UBE2V2: variants seen among roughly 807,000 people sequenced by gnomAD.
UBE2V2 encodes ubiquitin-conjugating enzyme E2 variant 2.
UBE2V2 carries 9 observed loss-of-function variants against 17.2 expected under a neutral mutation model. The ratio of observed to expected loss-of-function variants is 0.52; its 90% confidence interval spans 0.32 to 0.91. The LOEUF (loss-of-function observed/expected upper bound fraction) is 0.91. Ranked by LOEUF, UBE2V2 falls within the 40% of genes least tolerant of loss-of-function variation. The pLI is 0.04. For missense variants in UBE2V2, 133 were observed against 182.6 expected, an observed-to-expected ratio of 0.73 and a Z score of 1.56; for synonymous variants, 61 against 57.5, an observed-to-expected ratio of 1.06 and a Z score of -0.28.
At chr8:48,052,956 G>A (rs2091548642) in intron 3 of UBE2V2, among the ~76,000 whole-genome samples, 1 of 152,134 alleles carries the variant, frequency 6.6e-6, no homozygotes, top group African/African-American at 2.4e-5. Flanking sequence ...CACTCAGGCT[G>A]GAGTGCAGTG....
chr8:48,021,038 G>T (rs2091301260), intron 1 of UBE2V2, among the ~76,000 whole-genome samples: 1 of 150,390 alleles, frequency 6.6e-6, no homozygotes, highest in Admixed American at 6.6e-5. Flanking sequence ...GATCCACTCT[G>T]CTGGCTTGTT....
chr8:48,015,635 A>G (rs1401388644), intron 1 of UBE2V2, among the ~76,000 whole-genome samples: 1 of 151,960 alleles, frequency 6.6e-6, no homozygotes. Context: ...CATCTTCCCA[A>G]TCCCCACCCC....
At chr8:47,998,317 G>A in the UBE2V2 span, among the ~76,000 whole-genome samples, 1 of 151,948 alleles carries the variant, frequency 6.6e-6, no homozygotes, top group South Asian at 2.1e-4. Flanking sequence ...AAGTAGGGGC[G>A]CACGTAGAAG....
chr8:48,019,156 G>C (rs1353028805), intron 1 of UBE2V2, among the ~76,000 whole-genome samples: 6 of 152,024 alleles, frequency 3.9e-5, no homozygotes, highest in African/African-American at 1.4e-4. Context: ...CACGAGGTTG[G>C]GAGTTCAAGA....
intron 1 of UBE2V2, among the ~76,000 whole-genome samples, chr8:48,010,694 G>GTTT (rs1257227876): frequency 1.3e-4 from 17 of 128,902 alleles, no homozygotes; most frequent in African/African-American, 4.9e-4. Flanking sequence ...GCCTGGGTTT[G>GTTT]TTTGTTTTTT....
rs1033123683 is a variant in UBE2V2, at chr8:48,063,469, A to C, written c.*2641A>C. On this transcript the variant is annotated 3_prime_UTR_variant, in exon 4 of 4. Transcript: ENST00000523111. The stretch of plus-strand genomic sequence containing the variant: ...TTTAAATGAACTGTAAATTTGCCTT[A>C]GAAATTTGTTTAAAAGGCTAGCAAG... 3.9e-5 allele frequency: 6 copies of C among 152,204 alleles called. No homozygotes were observed. Among genetic ancestry groups the C allele is most frequent in the African/African-American group, 1.4e-4 (6 of 41,456 alleles). 9.4% of individuals were successfully genotyped at this position (152,204 alleles called of 1,614,324 possible). A position where few individuals can be genotyped will look rare whatever the true frequency, so the allele number is the denominator to read the frequency against.
At chr8:48,008,368 T>TGACGCGTGCAGGGC (rs776794945), upstream of UBE2V2, 1 of 1,508,030 alleles carries the variant, frequency 6.6e-7, no homozygotes, top group Non-Finnish European at 8.8e-7. Flanking sequence ...GAGTCCGCTG[T>TGACGCGTGCAGGGC]GACGCGTGCA....
rs1019026844 is a variant in UBE2V2 at position 48,063,083 on chromosome 8, G to A, written c.*2255G>A. ...AATGCTGTTGGCAGGATGAGGGTCTGGGTACCTCAGTCTCTTGTCCTGTTT... is the reference window on the plus strand; with the variant it reads ...AATGCTGTTGGCAGGATGAGGGTCTAGGTACCTCAGTCTCTTGTCCTGTTT... On this transcript the variant is annotated 3_prime_UTR_variant, in exon 4 of 4. Transcript: ENST00000523111. The A allele has an allele frequency of 6.6e-6, 1 of 152,208 alleles. No homozygotes were observed. The highest frequency in any genetic ancestry group is 6.5e-5 in the Admixed American group (1 of 15,272). The allele number at this position is 152,208 out of a possible 1,614,324, so 9.4% of individuals were successfully genotyped here.
upstream of UBE2V2, chr8:48,008,336 C>T (rs1216413402): frequency 6.0e-6 from 8 of 1,334,672 alleles, no homozygotes; most frequent in Admixed American, 4.0e-5. Context: ...TCCCTCGGGT[C>T]GCCCCGCGCC....
the UBE2V2 span, among the ~76,000 whole-genome samples, chr8:47,999,807 C>T: frequency 2.6e-5 from 4 of 152,238 alleles, no homozygotes; most frequent in Non-Finnish European, 4.4e-5. Flanking sequence ...TCGGGAGCAT[C>T]GGCAGACTCA....
intron 1 of UBE2V2, among the ~76,000 whole-genome samples, chr8:48,027,456 A>T (rs1410332823): frequency 6.6e-6 from 1 of 152,056 alleles, no homozygotes; most frequent in Non-Finnish European, 1.5e-5. Context: ...TTCCCTGATA[A>T]CTAGTGTTAT....
intron 3 of UBE2V2, among the ~76,000 whole-genome samples, chr8:48,051,726 A>G (rs2091539959): frequency 6.6e-6 from 1 of 151,802 alleles, no homozygotes; most frequent in South Asian, 2.1e-4. Context: ...CTGCCCCTCA[A>G]CCCCAACCTA....
chr8:48,004,990 CT>C (rs1472870470), upstream of UBE2V2, among the ~76,000 whole-genome samples: 309 of 137,386 alleles, frequency 2.2e-3, 1 homozygote, highest in Middle Eastern at 3.8e-3. Flanking sequence ...AGAATGCCAG[CT>C]TTTTTTTTTT....
intron 3 of UBE2V2, among the ~76,000 whole-genome samples, chr8:48,052,722 C>G (rs2091546918): frequency 1.3e-5 from 2 of 152,158 alleles, no homozygotes; most frequent in African/African-American, 4.8e-5. Context: ...CATTTCTGCA[C>G]TTCAGATTCC....
At chr8:48,060,647 T>G in intron 3 of UBE2V2, 35 bp from the exon 4 acceptor site, 1 of 1,390,988 alleles carries the variant, frequency 7.2e-7, no homozygotes, top group Non-Finnish European at 9.4e-7. Flanking sequence ...TACTTTAAAC[T>G]TGCTAGTTAA....
intron 1 of UBE2V2, among the ~76,000 whole-genome samples, chr8:48,025,302 C>A (rs2091334077): frequency 6.7e-6 from 1 of 149,682 alleles, no homozygotes; most frequent in Non-Finnish European, 1.5e-5. Context: ...GAGTCTCACT[C>A]TGTCATCCAG....
At chr8:48,023,188 A>G (rs2091317199) in intron 1 of UBE2V2, among the ~76,000 whole-genome samples, 1 of 150,916 alleles carries the variant, frequency 6.6e-6, no homozygotes, top group African/African-American at 2.4e-5. Flanking sequence ...CCATATTTGT[A>G]CAGTTTTTTT....
intron 1 of UBE2V2, among the ~76,000 whole-genome samples, chr8:48,037,655 G>A (rs2091433843): frequency 1.3e-5 from 2 of 152,182 alleles, no homozygotes; most frequent in African/African-American, 4.8e-5. Flanking sequence ...ACAAGAGCAG[G>A]ACTTTGACTA....
intron 2 of UBE2V2, among the ~76,000 whole-genome samples, chr8:48,044,737 T>C (rs1156808701): frequency 6.6e-6 from 1 of 152,198 alleles, no homozygotes; most frequent in East Asian, 1.9e-4. Context: ...GTGGTCTGTT[T>C]GGTTTAAAAA....
Sources: gnomAD v4.1 joint callset for allele counts (sites outside exome capture counted in the v4.1 genomes callset) on GRCh38, gnomAD v4.1.1 for gene constraint, MANE v1.5 for transcripts, NCBI Gene and HGNC (gene_info 2026-07-23, HGNC 2026-07-21) for gene names.